The following TRPM6 variants were observed in gnomAD, a reference collection of about 807,000 sequenced individuals.
TRPM6 encodes channel kinase 2.
In TRPM6, 111 loss-of-function variants were observed where a neutral mutation model predicts 247.6. The ratio of observed to expected loss-of-function variants is 0.45; its 90% confidence interval spans 0.38 to 0.52. The LOEUF (loss-of-function observed/expected upper bound fraction) is 0.52, where lower values mean the gene tolerates loss of function less well. TRPM6 is among the 20% of genes least tolerant of loss of function. The probability of loss-of-function intolerance (pLI) is 0.00; values close to 1 mark genes in which losing one functional copy is unlikely to be tolerated. For missense variants in TRPM6, 2,126 were observed against 2,421.5 expected (o/e 0.88, Z 2.56); for synonymous variants, 892 against 853.8 (o/e 1.04, Z -0.78).
In TRPM6 at chr9:74,762,034, T is replaced by C; in HGVS notation, c.4637A>G (p.Lys1546Arg). Residue 1546 changes from lysine to arginine, a missense_variant, in exon 26 of 39, where the codon AAG (lysine) becomes AGG (arginine). Physicochemically the swap from Lys to Arg is conservative, Grantham distance 26. Transcript: ENST00000360774. The part of the protein sequence containing the change: ...FARSHSFRFH[K>R]EEKLMKICKI... ...ACAGATCTTCATCAATTTCTCCTCC[T>C]TATGGAATCTAAAACTATGACTCCT... 6.2e-7 allele frequency: 1 copy of C among 1,614,220 alleles called. No homozygotes were observed. The highest frequency in any genetic ancestry group is 8.5e-7 in the Non-Finnish European group (1 of 1,180,024).
Position 74,858,735 on chromosome 9 carries a change from C to A in TRPM6, c.47G>T (p.Trp16Leu). ...TCTCTTGTCAAATACTCCTTTAATC[C>A]AGGATTTCTGGGACTAAAAAGAAAG... ...VLERLQSQKS[W>L]IKGVFDKREC... The change falls in exon 2 of 39, where the codon TGG (tryptophan) becomes TTG (leucine). Residue 16 changes from tryptophan to leucine, a missense_variant. Trp to Leu is a moderately conservative substitution (Grantham distance 61, BLOSUM62 -2). Transcript: ENST00000360774. The A allele has an allele frequency of 3.1e-6, 5 of 1,612,936 alleles. No individual in the cohort carries two copies. Among genetic ancestry groups the A allele is most frequent in the Non-Finnish European group, 4.2e-6 (5 of 1,179,264 alleles).
chr9:74,824,013 A>T (rs1376957219), intron 7 of TRPM6, among the ~76,000 whole-genome samples: 1 of 152,140 alleles, frequency 6.6e-6, no homozygotes, highest in African/African-American at 2.4e-5. Flanking sequence ...AGATTACAGA[A>T]AACTGTCCCT....
chr9:74,827,886 G>A lies in TRPM6; in HGVS notation c.733C>T (p.His245Tyr), dbSNP rs373264070. The A allele has an allele frequency of 1.2e-5, 19 of 1,614,102 alleles. No individual in the cohort carries two copies. The highest frequency in any genetic ancestry group is 6.7e-5 in the East Asian group (3 of 44,864). ...TCATCAGACAGGATGAAGTGCGAGTGCATGCTGTTGAGTGTTGTGAGCTTG... is the reference window on the plus strand; with the variant it reads ...TCATCAGACAGGATGAAGTGCGAGTACATGCTGTTGAGTGTTGTGAGCTTG... ...LSKLTTLNSM[H>Y]SHFILSDDGT... Residue 245 changes from histidine (H) to tyrosine (Y), a missense_variant, in exon 7 of 39, where the codon CAC becomes TAC. Physicochemically the swap from His to Tyr is moderately conservative, Grantham distance 83 (BLOSUM62 2). Coordinates refer to ENST00000360774, the MANE Select transcript of TRPM6 (RefSeq NM_017662.5).
intron 18 of TRPM6, among the ~76,000 whole-genome samples, chr9:74,794,843 A>G (rs1222470433): frequency 6.6e-6 from 1 of 151,980 alleles, no homozygotes; most frequent in Admixed American, 6.6e-5. Flanking sequence ...AACTTTTATT[A>G]TATATATACA....
chr9:74,856,015 C>A (rs1470798181), intron 2 of TRPM6, among the ~76,000 whole-genome samples: 2 of 152,020 alleles, frequency 1.3e-5, no homozygotes, highest in Non-Finnish European at 2.9e-5. Context: ...TATATGTAAA[C>A]CACTTTAAAA....
At chr9:74,746,316 T>A (rs980081182) in intron 31 of TRPM6, among the ~76,000 whole-genome samples, 1 of 151,960 alleles carries the variant, frequency 6.6e-6, no homozygotes, top group African/African-American at 2.4e-5. Flanking sequence ...GATTTACTGA[T>A]AGATGGGATG....
At chr9:74,825,734 T>A (rs1431627008) in intron 7 of TRPM6, among the ~76,000 whole-genome samples, 1 of 152,110 alleles carries the variant, frequency 6.6e-6, no homozygotes, top group Non-Finnish European at 1.5e-5. Flanking sequence ...ATACCTCCCA[T>A]GGAGCATACA....
intron 15 of TRPM6, 103 bp downstream of exon 15, chr9:74,803,691 T>A: frequency 1.2e-6 from 1 of 845,416 alleles, no homozygotes; most frequent in East Asian, 2.4e-5. Flanking sequence ...CACTTATAAA[T>A]GGTCCCTCTA....
intron 17 of TRPM6, among the ~76,000 whole-genome samples, chr9:74,799,145 A>AT (rs1351667223): frequency 6.6e-6 from 1 of 152,198 alleles, no homozygotes; most frequent in Non-Finnish European, 1.5e-5. Context: ...AAAAGGATTT[A>AT]TGTTGAGATC....
chr9:74,887,866 G>A lies in TRPM6; in HGVS notation c.-10C>T. 1 of 1,614,032 alleles carries A rather than the reference G, an allele frequency of 6.2e-7. No homozygotes were observed. Among genetic ancestry groups the A allele is most frequent in the South Asian group, 1.1e-5 (1 of 91,082 alleles). On this transcript the variant is annotated 5_prime_UTR_variant, in exon 1 of 39. Coordinates refer to ENST00000360774, the MANE Select transcript of TRPM6 (RefSeq NM_017662.5). ...CAGGTTGTTCTTTCATCTTTGATTT[G>A]CAGGCCCTGCTCCCAAAGCCCTGTC... is the stretch of plus-strand genomic sequence containing the variant.
chr9:74,728,410 C>T, intron 37 of TRPM6, 65 bp from the exon 38 acceptor site: 1 of 1,147,958 alleles, frequency 8.7e-7, no homozygotes, highest in Non-Finnish European at 1.3e-6. Flanking sequence ...CTAGGATTCT[C>T]CGAGATACCG....
chr9:74,795,702 T>C (rs1475688562), intron 18 of TRPM6, among the ~76,000 whole-genome samples: 1 of 152,222 alleles, frequency 6.6e-6, no homozygotes, highest in Non-Finnish European at 1.5e-5. Flanking sequence ...TCTGCCATCT[T>C]ACTGTAATTT....
Position 74,788,685 on chromosome 9 carries a change from G to A in TRPM6, c.2596C>T (p.Pro866Ser). ...AGCCACTCCTGCACGCTGGGCTGGG[G>A]CTGCATCTCCACCAACACGGTGTAA... is the stretch of plus-strand genomic sequence containing the variant. ...FTYTVLVEMQ[P>S]QPSVQEWLVS... Residue 866 changes from proline (P) to serine (S), a missense_variant, in exon 20 of 39, where the codon CCC becomes TCC. Around this residue, in one of 3 missense-constraint regions of TRPM6, gnomAD observed 1,082 missense variants for 1,307.9 expected, o/e 0.83. Transcript: ENST00000360774. 6.2e-7 allele frequency: 1 copy of A among 1,614,064 alleles called. No homozygotes were observed. Among genetic ancestry groups the A allele is most frequent in the Middle Eastern group, 1.6e-4 (1 of 6,062 alleles).
intron 11 of TRPM6, among the ~76,000 whole-genome samples, chr9:74,813,363 GACAA>G (rs1209356461): frequency 1.3e-5 from 2 of 152,178 alleles, no homozygotes; most frequent in African/African-American, 4.8e-5. Context: ...AATGTCAAGA[GACAA>G]ACAGATTTAT....
At chr9:74,871,152 G>A in intron 1 of TRPM6, among the ~76,000 whole-genome samples, 1 of 152,100 alleles carries the variant, frequency 6.6e-6, no homozygotes, top group East Asian at 1.9e-4. Flanking sequence ...TATCATCCAT[G>A]GGATATGCTA....
chr9:74,747,816 T>G, intron 31 of TRPM6, 73 bp downstream of exon 31: 1 of 1,244,148 alleles, frequency 8.0e-7, no homozygotes, highest in Non-Finnish European at 1.1e-6. Context: ...GACAAAAATA[T>G]CAGCAGGACA....
intron 18 of TRPM6, among the ~76,000 whole-genome samples, chr9:74,794,996 C>G (rs1002475280): frequency 2.6e-5 from 4 of 151,222 alleles, no homozygotes; most frequent in African/African-American, 9.8e-5. Context: ...CTTAATTATG[C>G]TCTGATAGAA....
At chr9:74,770,644 A>C (rs1380636960) in intron 25 of TRPM6, among the ~76,000 whole-genome samples, 4 of 151,906 alleles carry the variant, frequency 2.6e-5, no homozygotes, top group Non-Finnish European at 5.9e-5. Flanking sequence ...CTGGGTCCCC[A>C]CCAACCTTGT....
At chr9:74,876,212 T>C (rs1327865520) in intron 1 of TRPM6, among the ~76,000 whole-genome samples, 1 of 152,262 alleles carries the variant, frequency 6.6e-6, no homozygotes, top group East Asian at 1.9e-4. Flanking sequence ...GCTTCCCAAG[T>C]AGTTGGAATT....
Sources: gnomAD v4.1 joint callset for allele counts (sites outside exome capture counted in the v4.1 genomes callset) on GRCh38, gnomAD v4.1.1 for gene constraint, gnomAD v4.1.1 regional missense constraint, MANE v1.5 for transcripts, NCBI Gene and HGNC (gene_info 2026-07-23, HGNC 2026-07-21) for gene names.